MIA2: variants seen among roughly 807,000 people sequenced by gnomAD.
MIA2 encodes the protein melanoma inhibitory activity protein 2.
A neutral mutation model predicts 167.8 loss-of-function variants in MIA2; 127 were observed. The observed-to-expected ratio is 0.76, with a 90% CI of 0.66 to 0.88. MIA2 has a LOEUF of 0.88. MIA2 is among the 40% of genes least tolerant of loss of function. MIA2 has a pLI of 0.00. For missense variants in MIA2, 1,690 were observed against 1,624.7 expected (o/e 1.04, Z -0.69); for synonymous variants, 552 against 541.9 (o/e 1.02, Z -0.26).
At chr14:39,365,642 T>C (rs2074803583) in intron 23 of MIA2, among the ~76,000 whole-genome samples, 1 of 147,702 alleles carries the variant, frequency 6.8e-6, no homozygotes, top group Admixed American at 6.9e-5. Context: ...CCTGGGTTTT[T>C]AAAAATACCT....
intron 6 of MIA2, among the ~76,000 whole-genome samples, chr14:39,261,460 G>C (rs1361384251): frequency 6.6e-6 from 1 of 152,116 alleles, no homozygotes; most frequent in African/African-American, 2.4e-5. Flanking sequence ...ACGTGTGCAG[G>C]TGCCTTTATA....
At position 39,234,188 on chromosome 14, in the gene MIA2, T is replaced by C. The variant is rs1478838672; in HGVS notation, c.74T>C (p.Leu25Pro). The change falls in exon 1 of 29, where the codon CTG becomes CCG. Residue 25 changes from leucine (L) to proline (P), a missense_variant. Leu to Pro is a moderately conservative substitution (Grantham distance 98). Transcript: ENST00000640607. ...SLTKCLESTK[L>P]LADLKKCGDL... ...ACAAAGTGTCTGGAGAGTACAAAAC[T>C]GCTGGCAGACCTTAAAAAATGTGGT... The C allele has an allele frequency of 6.2e-6, 10 of 1,609,730 alleles. No individual in the cohort carries two copies. The Admixed American group carries it at 1.2e-4, about 19-fold the overall frequency.
chr14:39,385,478 T>C (rs1186371427), intron 23 of MIA2: 6 of 985,006 alleles, frequency 6.1e-6, no homozygotes, highest in Non-Finnish European at 9.9e-6. Flanking sequence ...CAAAATACAG[T>C]GATCTTGCTC....
intron 6 of MIA2, chr14:39,265,615 T>C (rs549794656): frequency 4.3e-6 from 2 of 466,422 alleles, no homozygotes; most frequent in East Asian, 7.4e-5. Flanking sequence ...ATAGAGTGAC[T>C]TAGGGAGGGC....
At chr14:39,349,400 T>G (rs1363108241) in intron 28 of MIA2, among the ~76,000 whole-genome samples, 2 of 152,212 alleles carry the variant, frequency 1.3e-5, no homozygotes, top group African/African-American at 4.8e-5. Context: ...TCCTACTTAT[T>G]TAAAACTTAA....
At chr14:39,292,018 A>G (rs60018719) in intron 10 of MIA2, among the ~76,000 whole-genome samples, 3,861 of 152,296 alleles carry the variant, frequency 0.025, 154 homozygotes, top group African/African-American at 0.083. Context: ...CAGAAACTCT[A>G]TGTGTTATGA....
At chr14:39,386,579 T>A in intron 23 of MIA2, 1 of 1,101,202 alleles carries the variant, frequency 9.1e-7, no homozygotes, top group South Asian at 1.4e-5. Context: ...TATCATCACC[T>A]GCTGTGCCAC....
At chr14:39,316,777 A>G (rs1467855242) in intron 21 of MIA2, among the ~76,000 whole-genome samples, 1 of 152,196 alleles carries the variant, frequency 6.6e-6, no homozygotes, top group Non-Finnish European at 1.5e-5. Flanking sequence ...TAAAATACTT[A>G]GGTGTAGATT....
intron 18 of MIA2, among the ~76,000 whole-genome samples, chr14:39,309,115 A>G (rs1003346097): frequency 6.6e-6 from 1 of 152,152 alleles, no homozygotes; most frequent in Non-Finnish European, 1.5e-5. Flanking sequence ...GAATCTGACC[A>G]CTTTTTACCA....
At chr14:39,323,595 A>G (rs1250443638) in intron 24 of MIA2, among the ~76,000 whole-genome samples, 1 of 152,178 alleles carries the variant, frequency 6.6e-6, no homozygotes, top group Non-Finnish European at 1.5e-5. Context: ...GATGCTTTCT[A>G]TTCAATTTTA....
At chr14:39,355,536 C>G (rs957771644), downstream of MIA2, among the ~76,000 whole-genome samples, 1 of 152,028 alleles carries the variant, frequency 6.6e-6, no homozygotes, top group Admixed American at 6.6e-5. Flanking sequence ...TAATTGAATG[C>G]CCTTTATTTC....
chr14:39,383,226 C>T (rs904709543), intron 23 of MIA2, among the ~76,000 whole-genome samples: 1 of 152,126 alleles, frequency 6.6e-6, no homozygotes, highest in East Asian at 1.9e-4. Context: ...TCTATCAGCA[C>T]CATTTTCCCA....
intron 23 of MIA2, among the ~76,000 whole-genome samples, chr14:39,362,368 G>A (rs920776823): frequency 2.6e-5 from 4 of 152,074 alleles, no homozygotes; most frequent in Non-Finnish European, 2.9e-5. Context: ...TTTGGTACTT[G>A]TTATTGGTCT....
chr14:39,371,534 CTA>C (rs1365175483), intron 23 of MIA2, among the ~76,000 whole-genome samples: 1 of 152,196 alleles, frequency 6.6e-6, no homozygotes, highest in Non-Finnish European at 1.5e-5. Context: ...TCATGACAAA[CTA>C]AACCTCCTGC....
At chr14:39,383,095 A>G (rs1265771636) in intron 23 of MIA2, among the ~76,000 whole-genome samples, 1 of 151,710 alleles carries the variant, frequency 6.6e-6, no homozygotes, top group Admixed American at 6.6e-5. Flanking sequence ...GTAAATCATG[A>G]CCAGAAATAT....
At chr14:39,275,997 T>A (rs1265384523) in intron 6 of MIA2, among the ~76,000 whole-genome samples, 1 of 152,228 alleles carries the variant, frequency 6.6e-6, no homozygotes, top group Admixed American at 6.5e-5. Flanking sequence ...AGAAAGGGCC[T>A]AAAAGGAAGA....
At chr14:39,260,521 G>C (rs2055048426) in intron 6 of MIA2, among the ~76,000 whole-genome samples, 1 of 152,170 alleles carries the variant, frequency 6.6e-6, no homozygotes, top group African/African-American at 2.4e-5. Context: ...AAAAGTGTCT[G>C]TTCATATCCT....
At chr14:39,293,471 A>G in intron 11 of MIA2, 90 bp downstream of exon 11, 2 of 904,428 alleles carry the variant, frequency 2.2e-6, no homozygotes, top group Non-Finnish European at 3.3e-6. Flanking sequence ...GTATTACATT[A>G]TTGTAAAAAA....
At chr14:39,288,458 T>TTTTTTTTTTTTG (rs2060177787) in intron 9 of MIA2, among the ~76,000 whole-genome samples, 1 of 16,034 alleles carries the variant, frequency 6.2e-5, no homozygotes, top group African/African-American at 1.7e-4. Flanking sequence ...TATATATATA[T>TTTTTTTTTTTTG]ATATATATAT....
Sources: gnomAD v4.1 joint callset for allele counts (sites outside exome capture counted in the v4.1 genomes callset) on GRCh38, gnomAD v4.1.1 for gene constraint, MANE v1.5 for transcripts, NCBI Gene and HGNC (gene_info 2026-07-23, HGNC 2026-07-21) for gene names.